MAP3K3: variants seen among roughly 807,000 people sequenced by gnomAD.
The protein encoded by MAP3K3 is mitogen-activated protein kinase kinase kinase 3.
Under a neutral mutation model 80.9 loss-of-function variants are expected in MAP3K3, and 12 were observed. That is an observed-to-expected ratio of 0.15 (90% confidence interval 0.10 to 0.24). MAP3K3 has a LOEUF of 0.24. Ranked by LOEUF, MAP3K3 falls within the 10% of genes least tolerant of loss-of-function variation. MAP3K3 has a pLI of 1.00. For synonymous variants in MAP3K3, 272 were observed against 307.1 expected, an observed-to-expected ratio of 0.89 and a Z score of 1.19; for missense variants, 596 against 834.7, an observed-to-expected ratio of 0.71 and a Z score of 3.52.
At position 63,652,570 on chromosome 17, in the gene MAP3K3, A is replaced by T. The variant is rs761117004; in HGVS notation, c.181A>T (p.Ser61Cys). Residue 61 changes from serine to cysteine, a missense_variant, in exon 4 of 16, where the codon AGC (serine) becomes TGC (cysteine). Physicochemically the swap from Ser to Cys is moderately radical, Grantham distance 112 (BLOSUM62 -1). Coordinates refer to ENST00000361733, the MANE Select transcript of MAP3K3 (RefSeq NM_002401.5). ...GTTTCTTTTCAGAATTATAGCGTTC[A>T]GCCGGCCTGTGAAATATGAAGATGT... is the stretch of plus-strand genomic sequence containing the variant. ...HNGERRIIAF[S>C]RPVKYEDVEH... The T allele has an allele frequency of 1.4e-5, 23 of 1,612,858 alleles. No homozygotes were observed. The highest frequency in any genetic ancestry group is 1.9e-5 in the Non-Finnish European group (22 of 1,178,964).
Position 63,693,376 on chromosome 17 carries a change from AGT to A in MAP3K3, c.1653-170_1653-169del, listed in dbSNP as rs1240674674. Among the ~76,000 whole-genome samples, 1 of 152,022 alleles carries A rather than the reference AGT, an allele frequency of 6.6e-6. No homozygotes were observed. Among genetic ancestry groups the A allele is most frequent in the Non-Finnish European group, 1.5e-5 (1 of 67,986 alleles). ...TCAAGAAGTACCCAGGTGTGTGGTG[AGT>A]GTAGGTCCATGAAGCCCACGTGGAC... On this transcript the variant is annotated intron_variant, in intron 15 of 15. Transcript: ENST00000361733. The surrounding 1 kb of genome is among the most constrained non-coding windows in gnomAD (Gnocchi z 4.2).
intron 1 of MAP3K3, among the ~76,000 whole-genome samples, chr17:63,629,745 A>G (rs188265264): frequency 6.6e-6 from 1 of 152,350 alleles, no homozygotes; most frequent in East Asian, 1.9e-4. Flanking sequence ...CACTTGTGTC[A>G]GTTGTCCCAG....
At chr17:63,637,901 G>A (rs1272865749) in intron 2 of MAP3K3, among the ~76,000 whole-genome samples, 1 of 152,198 alleles carries the variant, frequency 6.6e-6, no homozygotes, top group Non-Finnish European at 1.5e-5. Context: ...CAGAAAAGCT[G>A]CTTTCTTCAT....
At chr17:63,688,953 C>T (rs757773410) in intron 10 of MAP3K3, 72 bp downstream of exon 10, 45 of 1,111,420 alleles carry the variant, frequency 4.0e-5, no homozygotes, top group African/African-American at 2.4e-4. Flanking sequence ...AGGGTGGGTT[C>T]GTCCATGCAG....
chr17:63,688,260 C>T (rs1192420769), intron 8 of MAP3K3: 3 of 530,740 alleles, frequency 5.7e-6, no homozygotes, highest in Non-Finnish European at 1.0e-5. Flanking sequence ...GAAGAAAGGC[C>T]AAGGAGGGAG....
In MAP3K3 at chr17:63,685,597, G is replaced by T; in HGVS notation, c.710+7G>T. 6.2e-7 allele frequency: 1 copy of T among 1,613,836 alleles called. No individual in the cohort carries two copies. ...TGGACAGGTCAGCAGACAGGTATGG[G>T]ACTGTGGGTGGTTTGGAGGGTAATG... On this transcript the variant is annotated splice_region_variant and intron_variant, in intron 8 of 15. Transcript: ENST00000361733.
Position 63,632,869 on chromosome 17 carries a change from G to T in MAP3K3, c.126+67G>T, listed in dbSNP as rs58142675. ...AGGGGTTTTCAAATGGGAAATATAC[G>T]AAAAGCCAAGGAGACTACATTACCA... On this transcript the variant is annotated intron_variant, in intron 2 of 15. Coordinates refer to ENST00000361733, the MANE Select transcript of MAP3K3 (RefSeq NM_002401.5). The T allele has an allele frequency of 0.019, 29,573 of 1,597,856 alleles. 657 individuals are homozygous for T. The highest frequency in any genetic ancestry group is 0.11 in the African/African-American group (7,933 of 74,602).
At chr17:63,681,322 T>A (rs1275939547) in intron 6 of MAP3K3, among the ~76,000 whole-genome samples, 1 of 152,100 alleles carries the variant, frequency 6.6e-6, no homozygotes, top group Non-Finnish European at 1.5e-5. Context: ...TACCTTTCCC[T>A]GGTCCCCACC....
At chr17:63,650,658 T>TAGAGAGAGAGAGAGAGAGAGAG (rs61412799) in intron 3 of MAP3K3, among the ~76,000 whole-genome samples, 130 of 117,272 alleles carry the variant, frequency 1.1e-3, no homozygotes, top group African/African-American at 4.2e-3. Context: ...CTGTCTCTTA[T>TAGAGAGAGAGAGAGAGAGAGAG]AGAGAGAGAG....
chr17:63,656,266 G>GT (rs1261599925), intron 4 of MAP3K3, among the ~76,000 whole-genome samples: 2 of 151,076 alleles, frequency 1.3e-5, no homozygotes, highest in Non-Finnish European at 3.0e-5. Context: ...TGGGAACTGT[G>GT]TAAGTTAATT....
chr17:63,645,507 A>G (rs2034524198), intron 2 of MAP3K3, among the ~76,000 whole-genome samples: 1 of 152,194 alleles, frequency 6.6e-6, no homozygotes, highest in South Asian at 2.1e-4. Flanking sequence ...CATGTCTATT[A>G]TGTGTCAGGT....
At chr17:63,690,101 T>G in intron 11 of MAP3K3, 163 bp from the exon 12 acceptor site, 1 of 765,250 alleles carries the variant, frequency 1.3e-6, no homozygotes, top group Non-Finnish European at 2.1e-6. Flanking sequence ...TCCGAGTGAC[T>G]AGGGCACTGG....
At chr17:63,644,846 A>C (rs895675148) in intron 2 of MAP3K3, among the ~76,000 whole-genome samples, 1 of 152,154 alleles carries the variant, frequency 6.6e-6, no homozygotes, top group African/African-American at 2.4e-5. Flanking sequence ...TGTCTTCTTC[A>C]AAATAATTTT....
chr17:63,678,607 G>A (rs920719729), intron 6 of MAP3K3, among the ~76,000 whole-genome samples: 1 of 152,222 alleles, frequency 6.6e-6, no homozygotes, highest in Non-Finnish European at 1.5e-5. Context: ...AGGGAGGCTG[G>A]GGTGATGTGT....
Position 63,651,485 on chromosome 17 carries a change from A to ACAAT in MAP3K3, c.168-1069_168-1068insTCAA, listed in dbSNP as rs2034655586. On this transcript the variant is annotated intron_variant, in intron 3 of 15. Coordinates refer to ENST00000361733, the MANE Select transcript of MAP3K3 (RefSeq NM_002401.5). The stretch of plus-strand genomic sequence containing the variant: ...CGAGACTCTGTTTTGAAACAAACAA[A>ACAAT]CAAAAAAACCCCACAACTTTTTATT... Among the ~76,000 whole-genome samples, 6 of 152,284 alleles carry ACAAT rather than the reference A, an allele frequency of 3.9e-5. No homozygotes were observed. The South Asian group carries it at 1.2e-3, about 32-fold the overall frequency.
intron 1 of MAP3K3, among the ~76,000 whole-genome samples, chr17:63,630,162 C>G (rs556770021): frequency 8.5e-5 from 13 of 152,216 alleles, no homozygotes; most frequent in African/African-American, 3.1e-4. Context: ...TTGTATTGAT[C>G]CCAATTTATT....
rs772686374 is a variant in MAP3K3, at chr17:63,657,881, T to C, written c.355T>C (p.Leu119=). 8 of 1,603,600 alleles carry C rather than the reference T, an allele frequency of 5.0e-6. No homozygotes were observed. The East Asian group carries it at 1.6e-4, about 31-fold the overall frequency. Residue 119 remains leucine, a synonymous_variant, in exon 5 of 16, where the codon TTG becomes CTG. Coordinates refer to ENST00000361733, the MANE Select transcript of MAP3K3 (RefSeq NM_002401.5). ...RSSSMKSLRI[L]LLSQDRNHNS... ...CTCAAGCATGAAAAGCCTTAGGATA[T>C]TGCTGTTGTCCCAGGACAGAAACCA... is the stretch of plus-strand genomic sequence containing the variant.
chr17:63,630,773 A>T (rs1345293687), intron 1 of MAP3K3, among the ~76,000 whole-genome samples: 1 of 152,200 alleles, frequency 6.6e-6, no homozygotes, highest in Non-Finnish European at 1.5e-5. Flanking sequence ...TGCTTTCTAT[A>T]TTACAGCTAT....
At chr17:63,631,517 C>G (rs1337782591) in intron 1 of MAP3K3, among the ~76,000 whole-genome samples, 4 of 152,224 alleles carry the variant, frequency 2.6e-5, no homozygotes, top group African/African-American at 4.8e-5. Flanking sequence ...GCAAGTGTAA[C>G]AACTCATCCC....
Sources: allele counts gnomAD v4.1 joint callset (sites outside exome capture counted in the v4.1 genomes callset), GRCh38; gene constraint gnomAD v4.1.1; non-coding constraint Gnocchi (gnomAD v3.1); transcripts MANE v1.5; gene names NCBI Gene and HGNC (gene_info 2026-07-23, HGNC 2026-07-21).